ZNF879: variants seen among roughly 807,000 people sequenced by gnomAD.
ZNF879 encodes the protein zinc finger protein 879.
ZNF879 carries 32 observed loss-of-function variants against 44.3 expected under a neutral mutation model. That is an observed-to-expected ratio of 0.72 (90% CI 0.54 to 0.97). The LOEUF is 0.97. ZNF879 is among the 50% of genes least tolerant of loss of function. The pLI, the probability that ZNF879 is intolerant of heterozygous loss-of-function variation, is 0.00. For synonymous variants in ZNF879, 234 were observed against 233.2 expected (o/e 1.00, Z -0.03); for missense variants, 621 against 669.7 (o/e 0.93, Z 0.80).
intron 1 of ZNF879, 79 bp from the exon 2 acceptor site, chr5:179,024,891 C>T: frequency 8.6e-7 from 1 of 1,166,780 alleles, no homozygotes; most frequent in African/African-American, 1.5e-5. Context: ...CAGCTTATGG[C>T]TTCTAACCTG....
chr5:179,026,781 G>T (rs796737896), intron 2 of ZNF879, among the ~76,000 whole-genome samples: 1 of 152,248 alleles, frequency 6.6e-6, no homozygotes, highest in East Asian at 1.9e-4. Context: ...AAGCCACTGT[G>T]CCCAGCCAAG....
Position 179,033,595 on chromosome 5 carries a change from T to C in ZNF879, c.1647T>C (p.Phe549=), listed in dbSNP as rs1052462412. ...PYKCKECGKA[F]SQSSSLTNHQ... ...AATGTAAAGAATGTGGGAAGGCTTT[T>C]AGTCAGAGCTCATCTCTTACTAATC... The change falls in exon 5 of 5, where the codon TTT becomes TTC. Residue 549 remains phenylalanine, a synonymous_variant. Transcript: ENST00000444149. 6 of 1,542,010 alleles carry C rather than the reference T, an allele frequency of 3.9e-6. No individual in the cohort carries two copies. The African/African-American group carries it at 8.3e-5, about 21-fold the overall frequency.
intron 4 of ZNF879, 106 bp from the exon 5 acceptor site, chr5:179,032,099 T>C (rs1761431857): frequency 1.0e-5 from 9 of 891,712 alleles, no homozygotes; most frequent in African/African-American, 1.7e-5. Flanking sequence ...TCCCATCCTT[T>C]TCTAAGATTT....
intron 3 of ZNF879, 146 bp downstream of exon 3, chr5:179,027,745 CT>C: frequency 9.0e-7 from 1 of 1,116,428 alleles, no homozygotes; most frequent in Non-Finnish European, 1.3e-6. Context: ...ATGGAGAGAC[CT>C]TGGCTTAGTA....
rs1761225102 is a variant in ZNF879, at chr5:179,025,034, A to G, written c.30A>G (p.Val10=). The change falls in exon 2 of 5, where the codon GTA becomes GTG. Residue 10 remains valine, a synonymous_variant. Transcript: ENST00000444149. ...CAAGGAGGTTGCTGCCAGCCCATGTACAGGTGAGTGAAGGCTTCTTTTTGC... is the reference window on the plus strand; with the variant it reads ...CAAGGAGGTTGCTGCCAGCCCATGTGCAGGTGAGTGAAGGCTTCTTTTTGC... The part of the protein sequence containing the change: MARRLLPAH[V]QESVTFRDVA... The G allele has an allele frequency of 1.0e-5, 16 of 1,551,526 alleles. No individual in the cohort carries two copies. The highest frequency in any genetic ancestry group is 3.6e-5 in the South Asian group (3 of 84,050).
rs779305531 is a variant in ZNF879, at chr5:179,027,511, C to A, written c.72C>A (p.Ser24Arg). ...VTFRDVAVFFSQDEWLHLDSA... is the reference protein window; with the variant it reads ...VTFRDVAVFFRQDEWLHLDSA... ...TCAGGGATGTGGCCGTGTTCTTCAG[C>A]CAGGACGAGTGGTTGCACCTGGACT... is the stretch of plus-strand genomic sequence containing the variant. The change falls in exon 3 of 5, where the codon AGC (serine) becomes AGA (arginine). Residue 24 changes from serine to arginine, a missense_variant. Physicochemically the swap from Ser to Arg is moderately radical, Grantham distance 110 (BLOSUM62 -1). Transcript: ENST00000444149. 1 of 1,614,120 alleles carries A rather than the reference C, an allele frequency of 6.2e-7. No individual in the cohort carries two copies. The highest frequency in any genetic ancestry group is 8.5e-7 in the Non-Finnish European group (1 of 1,180,018).
At position 179,033,275 on chromosome 5, in the gene ZNF879, C is replaced by T; in HGVS notation, c.1327C>T (p.Leu443Phe). The T allele has an allele frequency of 6.3e-7, 1 of 1,581,514 alleles. No individual in the cohort carries two copies. The highest frequency in any genetic ancestry group is 2.3e-5 in the East Asian group (1 of 42,690). ...CGKAFSWISR[L>F]NIHHRIHTGE... Reference sequence around the variant, plus strand: ...GAAAGCCTTCTCTTGGATTTCACGGCTTAATATACATCACAGAATTCACAC... The same window carrying T: ...GAAAGCCTTCTCTTGGATTTCACGGTTTAATATACATCACAGAATTCACAC... The change falls in exon 5 of 5, where the codon CTT becomes TTT. Residue 443 changes from leucine to phenylalanine, a missense_variant. Coordinates refer to ENST00000444149, the MANE Select transcript of ZNF879 (RefSeq NM_001136116.3).
At chr5:179,025,746 G>A (rs1469911519) in intron 2 of ZNF879, among the ~76,000 whole-genome samples, 1 of 152,098 alleles carries the variant, frequency 6.6e-6, no homozygotes, top group Non-Finnish European at 1.5e-5. Context: ...GTGAAACCCG[G>A]TCTCTACTAA....
Position 179,028,134 on chromosome 5 carries a change from G to T in ZNF879, c.256+7G>T. On this transcript the variant is annotated splice_region_variant and intron_variant, in intron 4 of 4. Transcript: ENST00000444149. ...CCCCAAGGCGCACATCTCGGTGAGT[G>T]ACAGAGTAATTGGGAGATGGGCATA... 6.4e-7 allele frequency: 1 copy of T among 1,551,298 alleles called. No individual in the cohort carries two copies. Among genetic ancestry groups the T allele is most frequent in the South Asian group, 1.2e-5 (1 of 84,028 alleles).
intron 4 of ZNF879, among the ~76,000 whole-genome samples, chr5:179,031,020 CAT>C (rs1581101683): frequency 6.6e-6 from 1 of 152,218 alleles, no homozygotes; most frequent in Non-Finnish European, 1.5e-5. Context: ...ACTTGCAGAA[CAT>C]CCCAGATACG....
intron 4 of ZNF879, 113 bp from the exon 5 acceptor site, chr5:179,032,092 C>T: frequency 1.2e-6 from 1 of 858,438 alleles, no homozygotes; most frequent in Non-Finnish European, 1.7e-6. Flanking sequence ...TTCTTTTTCC[C>T]ATCCTTTTCT....
At chr5:179,024,796 G>C (rs1439465152) in intron 1 of ZNF879, 174 bp from the exon 2 acceptor site, 5 of 581,272 alleles carry the variant, frequency 8.6e-6, no homozygotes, top group Non-Finnish European at 1.5e-5. Context: ...CGGTGACTCT[G>C]AACCTGCTTC....
In ZNF879 at chr5:179,032,417, G is replaced by A. The variant is rs1014520945; in HGVS notation, c.469G>A (p.Gly157Ser). ...KVYMKERSFK[G>S]VEFGKNLGLK... is the part of the protein sequence containing the mutation. ...CTACATGAAGGAGAGGAGCTTTAAA[G>A]GTGTTGAATTTGGGAAAAATCTTGG... The change falls in exon 5 of 5, where the codon GGT becomes AGT. Residue 157 changes from glycine to serine, a missense_variant. By Grantham distance (56) the Gly-to-Ser change is moderately conservative (BLOSUM62 0). Coordinates refer to ENST00000444149, the MANE Select transcript of ZNF879 (RefSeq NM_001136116.3). 3 of 1,551,548 alleles carry A rather than the reference G, an allele frequency of 1.9e-6. No individual in the cohort carries two copies. The highest frequency in any genetic ancestry group is 2.6e-6 in the Non-Finnish European group (3 of 1,146,936).
At chr5:179,026,862 GAGAT>G (rs994483560) in intron 2 of ZNF879, among the ~76,000 whole-genome samples, 4 of 152,228 alleles carry the variant, frequency 2.6e-5, no homozygotes, top group African/African-American at 9.6e-5. Context: ...AAGGAGGAGA[GAGAT>G]AGAAGAACAG....
intron 2 of ZNF879, 120 bp from the exon 3 acceptor site, chr5:179,027,353 C>T: frequency 1.4e-6 from 2 of 1,416,922 alleles, no homozygotes; most frequent in South Asian, 1.3e-5. Context: ...TGCTTGGTAA[C>T]TGAAAAGTTG....
chr5:179,026,573 C>T (rs186414354), intron 2 of ZNF879, among the ~76,000 whole-genome samples: 82 of 152,302 alleles, frequency 5.4e-4, no homozygotes, highest in Admixed American at 4.1e-3. Flanking sequence ...GCCTCGACCT[C>T]CTGGGCTCAG....
In ZNF879 at chr5:179,027,987, G is replaced by A. The variant is rs138283509; in HGVS notation, c.161-45G>A. The stretch of plus-strand genomic sequence containing the variant: ...CCCTGGGCACTCTGGGGCTGGACCC[G>A]CCTGCTACGATGGCCGCTCACGTTT... On this transcript the variant is annotated intron_variant, in intron 3 of 4. Coordinates refer to ENST00000444149, the MANE Select transcript of ZNF879 (RefSeq NM_001136116.3). The A allele has an allele frequency of 1.7e-3, 2,611 of 1,525,418 alleles. 48 individuals carry two copies. The African/African-American group carries it at 0.029, about 17-fold the overall frequency. The allele number at this position is 1,525,418 out of a possible 1,614,324, so 94.5% of individuals were successfully genotyped here. A position where few individuals can be genotyped will look rare whatever the true frequency, so the allele number is the denominator to read the frequency against.
intron 2 of ZNF879, among the ~76,000 whole-genome samples, chr5:179,025,391 A>G (rs1240689289): frequency 6.6e-6 from 1 of 152,008 alleles, no homozygotes; most frequent in Non-Finnish European, 1.5e-5. Flanking sequence ...GGCTTCAACA[A>G]GTTGGCAAGG....
Position 179,033,076 on chromosome 5 carries a change from G to A in ZNF879, c.1128G>A (p.Glu376=). The A allele has an allele frequency of 6.4e-7, 1 of 1,565,638 alleles. No individual in the cohort carries two copies. Among genetic ancestry groups the A allele is most frequent in the Non-Finnish European group, 8.7e-7 (1 of 1,155,240 alleles). Residue 376 remains glutamate, a synonymous_variant, in exon 5 of 5, where the codon GAG becomes GAA. Transcript: ENST00000444149. ...GAGAGAAACCCTTTCATTGTAACGAGTGTGGAAAAGTATTCAGCTATCACT... is the reference window on the plus strand; with the variant it reads ...GAGAGAAACCCTTTCATTGTAACGAATGTGGAAAAGTATTCAGCTATCACT... ...HTGEKPFHCN[E]CGKVFSYHSA... is the part of the protein sequence containing the mutation.
Sources: gnomAD v4.1 joint callset for allele counts (sites outside exome capture counted in the v4.1 genomes callset) on GRCh38, gnomAD v4.1.1 for gene constraint, MANE v1.5 for transcripts, NCBI Gene and HGNC (gene_info 2026-07-23, HGNC 2026-07-21) for gene names.